SEMA5B: variants seen among roughly 807,000 people sequenced by gnomAD.
SEMA5B encodes semaphorin-5B.
Under a neutral mutation model 135.0 loss-of-function variants are expected in SEMA5B, and 66 were observed. That is an observed-to-expected ratio of 0.49 (90% CI 0.40 to 0.60). The LOEUF is 0.60. Ranked by LOEUF, SEMA5B falls within the 20% of genes least tolerant of loss-of-function variation. SEMA5B has a pLI of 0.00. For missense variants in SEMA5B, 1,501 were observed against 1,566.3 expected (o/e 0.96, Z 0.70); for synonymous variants, 690 against 639.5 (o/e 1.08, Z -1.19).
intron 1 of SEMA5B, among the ~76,000 whole-genome samples, chr3:122,985,456 A>G (rs1941668745): frequency 1.3e-5 from 2 of 152,028 alleles, no homozygotes; most frequent in South Asian, 4.1e-4. Context: ...GTGAACTATG[A>G]TTGCACCACT....
chr3:123,025,769 C>A (rs1454823653), intron 1 of SEMA5B, among the ~76,000 whole-genome samples: 1 of 152,214 alleles, frequency 6.6e-6, no homozygotes. Flanking sequence ...CAGTTCTCAC[C>A]GCCCCATGAG....
chr3:122,956,123 T>C (rs1172073661), intron 2 of SEMA5B, among the ~76,000 whole-genome samples: 3 of 152,152 alleles, frequency 2.0e-5, no homozygotes, highest in African/African-American at 7.2e-5. Context: ...TGGGGCAGGG[T>C]GCTCTAGGAG....
chr3:122,993,199 G>A (rs78159160), intron 1 of SEMA5B: 6,736 of 152,376 alleles, frequency 0.044, 176 homozygotes, highest in Middle Eastern at 0.078. Context: ...GACACAACGC[G>A]GCAGCCTGCC....
chr3:122,992,111 C>A (rs1313216671), intron 1 of SEMA5B, among the ~76,000 whole-genome samples: 2 of 152,150 alleles, frequency 1.3e-5, no homozygotes, highest in Admixed American at 6.5e-5. Context: ...TCCCTGGGTC[C>A]AAGGGCTGTG....
chr3:122,933,477 A>G (rs1939085333), intron 5 of SEMA5B, among the ~76,000 whole-genome samples: 1 of 152,092 alleles, frequency 6.6e-6, no homozygotes, highest in African/African-American at 2.4e-5. Context: ...GGCTCTGGAA[A>G]CTTTTAGGAT....
chr3:123,013,166 C>T (rs1942475669), intron 1 of SEMA5B, among the ~76,000 whole-genome samples: 1 of 152,224 alleles, frequency 6.6e-6, no homozygotes, highest in South Asian at 2.1e-4. Flanking sequence ...CTGGGATTGG[C>T]TTACTAGTTA....
At chr3:123,022,988 G>T (rs1411716437) in intron 1 of SEMA5B, among the ~76,000 whole-genome samples, 1 of 152,176 alleles carries the variant, frequency 6.6e-6, no homozygotes, top group Admixed American at 6.5e-5. Context: ...CATACACGAA[G>T]ATCCTGTTCC....
Position 122,913,428 on chromosome 3 carries a change from C to A in SEMA5B, c.2281-4G>T. On this transcript the variant is annotated splice_region_variant and splice_polypyrimidine_tract_variant and intron_variant, in intron 16 of 22. Transcript: ENST00000357599. ...CGGGGTTGCACGTCTTGAACTCCTGCGGGTGGCGGCAGAGGCAGCTTTAGA... is the reference window on the plus strand; with the variant it reads ...CGGGGTTGCACGTCTTGAACTCCTGAGGGTGGCGGCAGAGGCAGCTTTAGA... 5.1e-6 allele frequency: 8 copies of A among 1,562,786 alleles called. No individual in the cohort carries two copies. Among genetic ancestry groups the A allele is most frequent in the Non-Finnish European group, 6.9e-6 (8 of 1,157,936 alleles).
In SEMA5B at chr3:122,962,832, C is replaced by T. The variant is rs563694634; in HGVS notation, c.-38-1531G>A. Among the ~76,000 whole-genome samples the T allele has an allele frequency of 9.8e-5, 15 of 152,296 alleles. No homozygotes were observed. The South Asian group carries it at 2.9e-3, about 29-fold the overall frequency. ...ACTCTGCCCCAGCTTCCCCAACCCC[C>T]TGACCCCCCATGAAAATTATCCTAT... On this transcript the variant is annotated intron_variant, in intron 1 of 22. Transcript: ENST00000357599.
intron 3 of SEMA5B, among the ~76,000 whole-genome samples, chr3:122,946,165 T>C (rs1218981405): frequency 6.6e-6 from 1 of 152,184 alleles, no homozygotes; most frequent in Non-Finnish European, 1.5e-5. Flanking sequence ...CCTTGTGGAT[T>C]AACCACCGTC....
chr3:122,961,144 G>C lies in SEMA5B; in HGVS notation c.120C>G (p.Val40=). The change falls in exon 2 of 23, where the codon GTC becomes GTG. Residue 40 remains valine (V), a synonymous_variant. Transcript: ENST00000357599. ...WTVGGWLLSL[V]RGLLPCLPPG... ...CACTCCCCTGGGCACACTTACCCCTGACCAGTGAGAGAAGCCAGCCCCCTA... is the reference window on the plus strand; with the variant it reads ...CACTCCCCTGGGCACACTTACCCCTCACCAGTGAGAGAAGCCAGCCCCCTA... 1 of 1,611,236 alleles carries C rather than the reference G, an allele frequency of 6.2e-7. No individual in the cohort carries two copies. Among genetic ancestry groups the C allele is most frequent in the South Asian group, 1.1e-5 (1 of 90,600 alleles).
intron 8 of SEMA5B, among the ~76,000 whole-genome samples, chr3:122,927,401 C>T (rs912110857): frequency 2.2e-4 from 33 of 152,134 alleles, no homozygotes; most frequent in Non-Finnish European, 4.4e-4. Flanking sequence ...CTATGTTGCC[C>T]ACGCTGGTCT....
intron 1 of SEMA5B, among the ~76,000 whole-genome samples, chr3:123,006,819 C>T (rs1423175783): frequency 2.0e-5 from 3 of 152,078 alleles, no homozygotes; most frequent in African/African-American, 7.2e-5. Flanking sequence ...ATACACATCC[C>T]CTACCACCAC....
chr3:122,950,192 C>T (rs999225125), intron 2 of SEMA5B, among the ~76,000 whole-genome samples: 1 of 152,214 alleles, frequency 6.6e-6, no homozygotes, highest in Non-Finnish European at 1.5e-5. Flanking sequence ...TCACTCATAA[C>T]AAGAGCAACA....
chr3:122,952,852 C>G (rs1032874024), intron 2 of SEMA5B, among the ~76,000 whole-genome samples: 1 of 152,174 alleles, frequency 6.6e-6, no homozygotes, highest in Non-Finnish European at 1.5e-5. Context: ...CCTCAACAGA[C>G]CAGAGCTCGT....
chr3:122,914,747 A>T (rs1937971653), intron 14 of SEMA5B, among the ~76,000 whole-genome samples: 2 of 152,166 alleles, frequency 1.3e-5, no homozygotes. Context: ...CAGCCTAGGC[A>T]ATATAGTGAG....
intron 5 of SEMA5B, among the ~76,000 whole-genome samples, chr3:122,933,848 G>A (rs115942576): frequency 0.051 from 7,669 of 151,520 alleles, 246 homozygotes; most frequent in Middle Eastern, 0.11. Context: ...TAAGTTTATT[G>A]TTTTATAAAC....
chr3:122,922,998 CT>C, intron 10 of SEMA5B, among the ~76,000 whole-genome samples: 1 of 152,298 alleles, frequency 6.6e-6, no homozygotes, highest in Admixed American at 6.5e-5. Flanking sequence ...GGTTGGATGA[CT>C]TTTTTGTCCA....
At chr3:123,028,174 C>T (rs1057199567), upstream of SEMA5B, among the ~76,000 whole-genome samples, 1 of 152,228 alleles carries the variant, frequency 6.6e-6, no homozygotes, top group Admixed American at 6.5e-5. Flanking sequence ...CCTGAGGAAG[C>T]TCCCCCAAAC....
Sources: gnomAD v4.1 joint callset for allele counts (sites outside exome capture counted in the v4.1 genomes callset) on GRCh38, gnomAD v4.1.1 for gene constraint, MANE v1.5 for transcripts, NCBI Gene and HGNC (gene_info 2026-07-23, HGNC 2026-07-21) for gene names.